The following ATXN1 variants were observed in gnomAD, a reference collection of about 807,000 sequenced individuals.
The protein encoded by ATXN1 is ataxin 1, also known as ataxin-1.
ATXN1 carries 8 observed loss-of-function variants against 56.4 expected under a neutral mutation model. That is an observed-to-expected ratio of 0.14 (90% CI 0.08 to 0.26). The LOEUF is 0.26. Among genes scored for constraint, ATXN1 ranks in the 10% least tolerant of loss-of-function variants. The pLI is 1.00. For missense variants in ATXN1, 987 were observed against 1,106.5 expected (o/e 0.89, Z 1.53); for synonymous variants, 514 against 494.6 (o/e 1.04, Z -0.52).
At chr6:16,498,844 G>C (rs966253564) in intron 5 of ATXN1, among the ~76,000 whole-genome samples, 2 of 152,034 alleles carry the variant, frequency 1.3e-5, no homozygotes, top group Non-Finnish European at 2.9e-5. Context: ...CTTTAAACTG[G>C]GTTGTTAGTC....
intron 2 of ATXN1, 135 bp from the exon 3 acceptor site, chr6:16,658,036 G>T (rs1159104340): frequency 6.6e-6 from 1 of 152,056 alleles, no homozygotes; most frequent in Non-Finnish European, 1.5e-5. Context: ...TTAATTATCA[G>T]GATGAAGCCA....
At chr6:16,423,017 A>G (rs2113568619) in intron 6 of ATXN1, among the ~76,000 whole-genome samples, 1 of 152,358 alleles carries the variant, frequency 6.6e-6, no homozygotes, top group East Asian at 1.9e-4. Flanking sequence ...AGGGAACTCT[A>G]GAATTCATTT....
chr6:16,617,792 T>C (rs1420334714), intron 3 of ATXN1, among the ~76,000 whole-genome samples: 1 of 105,560 alleles, frequency 9.5e-6, no homozygotes, highest in African/African-American at 4.0e-5. Context: ...AGAAATATAC[T>C]CATGTTTCTA....
chr6:16,752,619 C>A (rs1490309642), intron 2 of ATXN1, among the ~76,000 whole-genome samples: 1 of 152,200 alleles, frequency 6.6e-6, no homozygotes, highest in Non-Finnish European at 1.5e-5. Flanking sequence ...TTCTAGCAAA[C>A]CTCTTTTTCC....
At chr6:16,449,065 A>T (rs1436990833) in intron 6 of ATXN1, among the ~76,000 whole-genome samples, 2 of 152,064 alleles carry the variant, frequency 1.3e-5, no homozygotes, top group Non-Finnish European at 2.9e-5. Flanking sequence ...GCTTGTGTAG[A>T]TCTCAAAATA....
intron 6 of ATXN1, among the ~76,000 whole-genome samples, chr6:16,385,337 A>C (rs1261693828): frequency 2.0e-5 from 3 of 152,252 alleles, no homozygotes; most frequent in Non-Finnish European, 4.4e-5. Flanking sequence ...AGAAGGGACC[A>C]GGTTCTACAG....
At chr6:16,553,692 A>G (rs751873669) in intron 4 of ATXN1, among the ~76,000 whole-genome samples, 2 of 152,180 alleles carry the variant, frequency 1.3e-5, no homozygotes, top group Non-Finnish European at 2.9e-5. Context: ...TCCAGCATGC[A>G]TACCACTGTC....
intron 1 of ATXN1, among the ~76,000 whole-genome samples, chr6:16,755,940 A>G (rs1228025376): frequency 6.6e-6 from 1 of 152,148 alleles, no homozygotes; most frequent in African/African-American, 2.4e-5. Context: ...TCAATGAAAC[A>G]TTTCTGCTAA....
intron 7 of ATXN1, among the ~76,000 whole-genome samples, chr6:16,319,005 T>C (rs1760582696): frequency 6.6e-6 from 1 of 152,048 alleles, no homozygotes; most frequent in Admixed American, 6.5e-5. Context: ...TCACATGAGC[T>C]CAGGAGTTCA....
At chr6:16,618,054 A>G (rs1763251802) in intron 3 of ATXN1, among the ~76,000 whole-genome samples, 1 of 150,628 alleles carries the variant, frequency 6.6e-6, no homozygotes, top group Non-Finnish European at 1.5e-5. Flanking sequence ...TATAAAAGCA[A>G]AAAAAAAAAT....
chr6:16,638,468 A>C (rs961156856), intron 3 of ATXN1, among the ~76,000 whole-genome samples: 136 of 144,176 alleles, frequency 9.4e-4, no homozygotes, highest in African/African-American at 3.5e-3. Flanking sequence ...AAAAAAAAAA[A>C]CTGCACAAAA....
At chr6:16,646,121 T>C (rs1429594166) in intron 3 of ATXN1, among the ~76,000 whole-genome samples, 1 of 151,988 alleles carries the variant, frequency 6.6e-6, no homozygotes, top group Admixed American at 6.6e-5. Flanking sequence ...CTCTGGGAAG[T>C]TGGGGTGGGA....
intron 1 of ATXN1, among the ~76,000 whole-genome samples, chr6:16,755,642 A>G (rs374532076): frequency 1.5e-4 from 23 of 152,160 alleles, no homozygotes; most frequent in African/African-American, 5.5e-4. Flanking sequence ...ATAGGTTAGT[A>G]GCTACAATAA....
chr6:16,697,024 C>A (rs1158187165), intron 2 of ATXN1, among the ~76,000 whole-genome samples: 1 of 152,172 alleles, frequency 6.6e-6, no homozygotes, highest in Non-Finnish European at 1.5e-5. Flanking sequence ...CTTTGGGACA[C>A]CACACTGTCA....
chr6:16,312,647 T>TA (rs1424240871), intron 7 of ATXN1, among the ~76,000 whole-genome samples: 2 of 152,140 alleles, frequency 1.3e-5, no homozygotes, highest in African/African-American at 4.8e-5. Flanking sequence ...GGTCAGGAGT[T>TA]AGAGACCAGT....
chr6:16,396,860 T>C (rs1030877620), intron 6 of ATXN1, among the ~76,000 whole-genome samples: 1 of 152,256 alleles, frequency 6.6e-6, no homozygotes, highest in Non-Finnish European at 1.5e-5. Flanking sequence ...GAACATTGTG[T>C]TACAAGTGCC....
chr6:16,561,930 T>G (rs1762126326), intron 4 of ATXN1, among the ~76,000 whole-genome samples: 1 of 152,110 alleles, frequency 6.6e-6, no homozygotes, highest in Non-Finnish European at 1.5e-5. Flanking sequence ...ACCTGGAAGA[T>G]GTAAACAAGG....
intron 2 of ATXN1, among the ~76,000 whole-genome samples, chr6:16,691,025 T>C (rs1267210499): frequency 6.6e-6 from 1 of 152,256 alleles, no homozygotes; most frequent in South Asian, 2.1e-4. Context: ...AAGCAACTTA[T>C]TGTAGTGTTT....
At chr6:16,697,111 G>A (rs1759181339) in intron 2 of ATXN1, among the ~76,000 whole-genome samples, 1 of 152,124 alleles carries the variant, frequency 6.6e-6, no homozygotes, top group South Asian at 2.1e-4. Context: ...TAGTATTAGC[G>A]GGATGAATAC....
Sources: gnomAD v4.1 joint callset for allele counts (sites outside exome capture counted in the v4.1 genomes callset) on GRCh38, gnomAD v4.1.1 for gene constraint, MANE v1.5 for transcripts, NCBI Gene and HGNC (gene_info 2026-07-23, HGNC 2026-07-21) for gene names.